SLC9A8: variants seen among roughly 807,000 people sequenced by gnomAD.
SLC9A8 encodes solute carrier family 9 member A8.
A neutral mutation model predicts 66.6 loss-of-function variants in SLC9A8; 48 were observed. The ratio of observed to expected loss-of-function variants is 0.72; its 90% CI spans 0.57 to 0.92. The LOEUF (loss-of-function observed/expected upper bound fraction) is 0.92. SLC9A8 is among the 40% of genes least tolerant of loss of function. The pLI, the probability that SLC9A8 is intolerant of heterozygous loss-of-function variation, is 0.00. For missense variants in SLC9A8, 599 were observed against 747.3 expected (o/e 0.80, Z 2.31); for synonymous variants, 274 against 282.6 (o/e 0.97, Z 0.31).
intron 15 of SLC9A8, among the ~76,000 whole-genome samples, chr20:49,887,306 G>A (rs555779945): frequency 6.6e-5 from 10 of 152,252 alleles, no homozygotes; most frequent in Admixed American, 1.3e-4. Context: ...CTTGGGTAGG[G>A]GTGGGGCTCT....
At chr20:49,834,553 A>C (rs977646629) in intron 3 of SLC9A8, among the ~76,000 whole-genome samples, 2 of 149,526 alleles carry the variant, frequency 1.3e-5, no homozygotes, top group African/African-American at 2.5e-5. Flanking sequence ...TGTGAAATAC[A>C]TTCATTTTCT....
intron 7 of SLC9A8, 40 bp from the exon 8 acceptor site, chr20:49,855,398 C>T: frequency 6.2e-7 from 1 of 1,603,118 alleles, no homozygotes; most frequent in Non-Finnish European, 8.5e-7. Context: ...GACCAAGTGA[C>T]ACACATTACA....
chr20:49,822,645 G>C (rs1357526711), intron 2 of SLC9A8, among the ~76,000 whole-genome samples: 2 of 152,080 alleles, frequency 1.3e-5, no homozygotes, highest in Non-Finnish European at 2.9e-5. Flanking sequence ...AAATTAGTTG[G>C]GTGTGGTGTC....
intron 3 of SLC9A8, among the ~76,000 whole-genome samples, chr20:49,834,162 T>C (rs1457430102): frequency 5.5e-5 from 3 of 54,604 alleles, no homozygotes; most frequent in Non-Finnish European, 1.1e-4. Context: ...TCTCTCTCTC[T>C]CTCTCTCTCT....
rs372086865 is a variant in SLC9A8, at chr20:49,880,924, G to A, written c.1159G>A (p.Val387Met). The A allele has an allele frequency of 5.6e-6, 9 of 1,604,732 alleles. No individual in the cohort carries two copies. Among genetic ancestry groups the A allele is most frequent in the Non-Finnish European group, 6.8e-6 (8 of 1,171,472 alleles). ...AGACTTAGTTTGTTGCTATCAACAG[G>A]TGCTTGTACTATTTGGCAGAGCGGT... ...FEISFVIWCI[V>M]LVLFGRAVNI... The change falls in exon 13 of 16, where the codon GTG becomes ATG. Residue 387 changes from valine (V) to methionine (M), a missense_variant and splice_region_variant. Val to Met is a conservative substitution (Grantham distance 21, BLOSUM62 1). Coordinates refer to ENST00000361573, the MANE Select transcript of SLC9A8 (RefSeq NM_015266.3).
intron 7 of SLC9A8, among the ~76,000 whole-genome samples, chr20:49,854,625 A>G: frequency 6.6e-6 from 1 of 152,082 alleles, no homozygotes; most frequent in East Asian, 1.9e-4. Context: ...TGGGGGTAGG[A>G]GTACCGACTC....
At chr20:49,818,157 T>C (rs1214976493) in intron 2 of SLC9A8, among the ~76,000 whole-genome samples, 2 of 152,220 alleles carry the variant, frequency 1.3e-5, no homozygotes, top group Non-Finnish European at 2.9e-5. Flanking sequence ...AACAGGTTTC[T>C]ATAATGTACT....
chr20:49,850,763 G>GTT (rs564652819), intron 6 of SLC9A8, 47 bp from the exon 7 acceptor site: 57 of 1,370,140 alleles, frequency 4.2e-5, no homozygotes, highest in South Asian at 2.2e-4. Context: ...GTTCTCCAGG[G>GTT]TTTTTTTTTT....
At position 49,868,935 on chromosome 20, in the gene SLC9A8, C is replaced by T. The variant is rs117399004; in HGVS notation, c.958+4091C>T. ...TATCCACAGCAAATCAAACAGTCTC[C>T]CTAATTATAACTCAGCAAGCGTTAG... is the stretch of plus-strand genomic sequence containing the variant. On this transcript the variant is annotated intron_variant, in intron 10 of 15. Transcript: ENST00000361573. Among the ~76,000 whole-genome samples the T allele has an allele frequency of 5.7e-4, 87 of 152,274 alleles. 1 individual carries two copies. The East Asian group carries it at 0.011, about 20-fold the overall frequency.
intron 3 of SLC9A8, chr20:49,830,046 C>G: frequency 1.5e-6 from 1 of 683,546 alleles, no homozygotes. Context: ...TGGCAGCCGA[C>G]CAGAAGCGAG....
At chr20:49,865,556 C>T (rs2088927275) in intron 10 of SLC9A8, among the ~76,000 whole-genome samples, 1 of 152,108 alleles carries the variant, frequency 6.6e-6, no homozygotes, top group South Asian at 2.1e-4. Context: ...GAGGAGGGCA[C>T]ACAGCTCTCA....
intron 2 of SLC9A8, among the ~76,000 whole-genome samples, chr20:49,817,740 C>T (rs969572408): frequency 6.6e-6 from 1 of 152,104 alleles, no homozygotes; most frequent in Admixed American, 6.5e-5. Context: ...AGTACACAGA[C>T]CAGAAGTATA....
chr20:49,847,282 G>A (rs948268128), intron 5 of SLC9A8, among the ~76,000 whole-genome samples: 1 of 151,812 alleles, frequency 6.6e-6, no homozygotes, highest in Admixed American at 6.6e-5. Context: ...TTAACTGTAA[G>A]CAGATATGAA....
Position 49,864,226 on chromosome 20 carries a change from G to C in SLC9A8, c.853-513G>C, listed in dbSNP as rs540195756. Among the ~76,000 whole-genome samples, 18 of 152,316 alleles carry C rather than the reference G, an allele frequency of 1.2e-4. No homozygotes were observed. The South Asian group carries it at 3.7e-3, about 32-fold the overall frequency. On this transcript the variant is annotated intron_variant, in intron 9 of 15. Transcript: ENST00000361573. The stretch of plus-strand genomic sequence containing the variant: ...AATCTCCAGGAATAGGAAATACTGT[G>C]CTTCAACAGGGCCTCGAACCTCAGT...
chr20:49,830,925 T>C (rs1201470313), intron 3 of SLC9A8: 2 of 854,406 alleles, frequency 2.3e-6, no homozygotes, highest in Non-Finnish European at 4.1e-6. Context: ...TGATTTCTAC[T>C]GAAATACATG....
At chr20:49,848,141 C>T (rs940988875) in intron 5 of SLC9A8, among the ~76,000 whole-genome samples, 11 of 151,888 alleles carry the variant, frequency 7.2e-5, no homozygotes, top group Non-Finnish European at 1.5e-4. Context: ...TCAGGTTGGT[C>T]TCGAACTCCT....
Position 49,815,111 on chromosome 20 carries a change from C to A in SLC9A8, c.130C>A (p.Pro44Thr), listed in dbSNP as rs770123136. 2.5e-6 allele frequency: 4 copies of A among 1,609,248 alleles called. No individual in the cohort carries two copies. The highest frequency in any genetic ancestry group is 2.5e-6 in the Non-Finnish European group (3 of 1,178,048). The change falls in exon 2 of 16, where the codon CCC becomes ACC. Residue 44 changes from proline (P) to threonine (T), a missense_variant. Around this residue, in one of 2 missense-constraint regions of SLC9A8, gnomAD observed 132 missense variants for 120.9 expected, o/e 1.09. Transcript: ENST00000361573. Reference protein sequence around the residue: ...VLPTPGKPILPVQTGEQAQQE... With the variant: ...VLPTPGKPILTVQTGEQAQQE... ...CCCGACCCCTGGCAAGCCCATCCTC[C>A]CCGTGCAGACAGGGGAGCAGGCCCA...
chr20:49,884,289 G>GCGCGCGCGCACACACACAC (rs1255789032), intron 14 of SLC9A8: 2 of 36,862 alleles, frequency 5.4e-5, no homozygotes, highest in African/African-American at 4.5e-4. Flanking sequence ...ACACACACAC[G>GCGCGCGCGCACACACACAC]ACACACACAC....
chr20:49,834,183 CTCTATATATATATATA>C (rs1412445073), intron 3 of SLC9A8, among the ~76,000 whole-genome samples: 21 of 36,966 alleles, frequency 5.7e-4, no homozygotes, highest in Non-Finnish European at 1.5e-4. Context: ...CTCTCTCTCT[CTCTATATATATATATA>C]TATATATATA....
Sources: gnomAD v4.1 joint callset for allele counts (sites outside exome capture counted in the v4.1 genomes callset) on GRCh38, gnomAD v4.1.1 for gene constraint, gnomAD v4.1.1 regional missense constraint, MANE v1.5 for transcripts, NCBI Gene and HGNC (gene_info 2026-07-23, HGNC 2026-07-21) for gene names.